Variants in SHCBP1 observed in about 807,000 individuals in gnomAD.
SHCBP1 encodes SHC SH2 domain-binding protein 1.
In SHCBP1, 60 loss-of-function variants were observed where a neutral mutation model predicts 75.1. The ratio of observed to expected loss-of-function variants is 0.80; its 90% CI spans 0.65 to 0.99. The LOEUF is 0.99. Ranked by LOEUF, SHCBP1 falls within the 50% of genes least tolerant of loss-of-function variation. The pLI is 0.00. For synonymous variants in SHCBP1, 290 were observed against 293.2 expected (o/e 0.99, Z 0.11); for missense variants, 709 against 809.4 (o/e 0.88, Z 1.50).
At chr16:46,620,067 T>C (rs1965561849) in intron 1 of SHCBP1, among the ~76,000 whole-genome samples, 1 of 152,016 alleles carries the variant, frequency 6.6e-6, no homozygotes, top group Admixed American at 6.6e-5. Context: ...AAAAATAAAG[T>C]GTGTAACATG....
intron 10 of SHCBP1, among the ~76,000 whole-genome samples, chr16:46,588,381 G>A (rs1259723030): frequency 6.6e-6 from 1 of 152,140 alleles, no homozygotes; most frequent in African/African-American, 2.4e-5. Flanking sequence ...GAATCCAGGA[G>A]TTGGTTTTCT....
At chr16:46,602,845 G>A (rs1380766431) in intron 8 of SHCBP1, among the ~76,000 whole-genome samples, 1 of 152,118 alleles carries the variant, frequency 6.6e-6, no homozygotes, top group Admixed American at 6.6e-5. Flanking sequence ...TAGCCAGACT[G>A]GTCTCAAACT....
At chr16:46,582,706 G>A (rs1485420503) in intron 12 of SHCBP1, among the ~76,000 whole-genome samples, 1 of 152,194 alleles carries the variant, frequency 6.6e-6, no homozygotes, top group Non-Finnish European at 1.5e-5. Flanking sequence ...TTTGGAGACA[G>A]AGTCTGCCCC....
chr16:46,599,715 A>G, intron 9 of SHCBP1, 116 bp downstream of exon 9: 1 of 366,486 alleles, frequency 2.7e-6, no homozygotes. Context: ...AAGTGCAATA[A>G]AACAAGGTAT....
chr16:46,604,184 A>T (rs768372691), intron 6 of SHCBP1, 41 bp from the exon 7 acceptor site: 27 of 1,612,724 alleles, frequency 1.7e-5, no homozygotes, highest in Middle Eastern at 1.6e-4. Flanking sequence ...GACAGCAAGT[A>T]AGAAAAGATG....
intron 9 of SHCBP1, among the ~76,000 whole-genome samples, chr16:46,597,167 A>G (rs1965157464): frequency 6.6e-6 from 1 of 152,118 alleles, no homozygotes; most frequent in South Asian, 2.1e-4. Flanking sequence ...ACAAATGTTT[A>G]TGGGAGTCTG....
Position 46,618,562 on chromosome 16 carries a change from TTCAAAACAATAAGCGC to T in SHCBP1, c.104-206_104-191del, listed in dbSNP as rs1298111758. Reference sequence around the variant, plus strand: ...AAATATTTCAAAATCCAAATTCTACTTCAAAACAATAAGCGCTTAAGATCTTTCACAGTTAGATTTT... The same window carrying T: ...AAATATTTCAAAATCCAAATTCTACTTTAAGATCTTTCACAGTTAGATTTT... On this transcript the variant is annotated intron_variant, in intron 1 of 12. Coordinates refer to ENST00000303383, the MANE Select transcript of SHCBP1 (RefSeq NM_024745.5). Among the ~76,000 whole-genome samples the T allele has an allele frequency of 1.1e-4, 13 of 119,616 alleles. 1 individual carries two copies. The South Asian group carries it at 7.7e-3, about 71-fold the overall frequency. The allele number at this position is 119,616 out of a possible 152,430, so 78.5% of individuals were successfully genotyped here. A position where few individuals can be genotyped will look rare whatever the true frequency, so the allele number is the denominator to read the frequency against.
chr16:46,598,295 G>GT (rs956589968), intron 9 of SHCBP1, among the ~76,000 whole-genome samples: 47 of 152,236 alleles, frequency 3.1e-4, no homozygotes, highest in African/African-American at 1.0e-3. Flanking sequence ...CTTAGGAAGT[G>GT]TATTTCTCAA....
At chr16:46,609,073 G>A (rs1344255645) in intron 4 of SHCBP1, among the ~76,000 whole-genome samples, 1 of 152,110 alleles carries the variant, frequency 6.6e-6, no homozygotes, top group Non-Finnish European at 1.5e-5. Flanking sequence ...ACATAAACCT[G>A]GTAGCTATCA....
chr16:46,582,282 C>T (rs1964884234), intron 12 of SHCBP1, among the ~76,000 whole-genome samples: 1 of 152,114 alleles, frequency 6.6e-6, no homozygotes, highest in Admixed American at 6.5e-5. Context: ...CTAAGCACTG[C>T]GTTAGGAGAT....
At chr16:46,601,631 CA>C (rs1417845373) in intron 8 of SHCBP1, among the ~76,000 whole-genome samples, 1 of 152,182 alleles carries the variant, frequency 6.6e-6, no homozygotes, top group Non-Finnish European at 1.5e-5. Context: ...GGAATGCTAC[CA>C]GGGGTGGACT....
intron 8 of SHCBP1, among the ~76,000 whole-genome samples, chr16:46,600,189 C>T (rs973023122): frequency 6.6e-6 from 1 of 152,196 alleles, no homozygotes; most frequent in African/African-American, 2.4e-5. Context: ...ATCAGGAAGA[C>T]TACCCTATCA....
intron 3 of SHCBP1, among the ~76,000 whole-genome samples, chr16:46,617,206 C>T (rs930216375): frequency 4.6e-5 from 7 of 152,104 alleles, no homozygotes; most frequent in South Asian, 2.1e-4. Flanking sequence ...TTAAAAATGC[C>T]TCTTAGCAGA....
chr16:46,604,528 C>T, intron 5 of SHCBP1, 67 bp from the exon 6 acceptor site: 3 of 1,092,558 alleles, frequency 2.7e-6, no homozygotes, highest in South Asian at 2.8e-5. Flanking sequence ...TTAAAACAGC[C>T]CACTTAGCCC....
Position 46,581,865 on chromosome 16 carries a change from AT to A in SHCBP1, c.1882del (p.Ile628Ter). The A allele has an allele frequency of 6.2e-7, 1 of 1,614,100 alleles. No homozygotes were observed. Among genetic ancestry groups the A allele is most frequent in the East Asian group, 2.2e-5 (1 of 44,874 alleles). ...CAGTTCACTCAACCTTTTCTTCTTT[AT>A]CTGGCCTTTCTGTGTGGAGGCAGCA... ...LIAASTQKGQIKKKRLSELGI... is the reference protein window; with the variant it reads ...LIAASTQKGQXKKKRLSELGI... On this transcript the variant is annotated frameshift_variant, in exon 13 of 13. Transcript: ENST00000303383. LOFTEE classifies it high-confidence loss of function.
At chr16:46,596,952 T>C (rs1421930540) in intron 9 of SHCBP1, among the ~76,000 whole-genome samples, 1 of 151,818 alleles carries the variant, frequency 6.6e-6, no homozygotes, top group African/African-American at 2.4e-5. Flanking sequence ...GGTCTCAAAC[T>C]CCTGACCTCA....
intron 4 of SHCBP1, among the ~76,000 whole-genome samples, chr16:46,612,686 C>G (rs917539972): frequency 2.0e-5 from 3 of 152,194 alleles, no homozygotes; most frequent in Non-Finnish European, 4.4e-5. Context: ...ACTTGTTAGT[C>G]AAGCTGCCAG....
Position 46,580,133 on chromosome 16 carries a change from A to C in SHCBP1, c.*1596T>G, listed in dbSNP as rs1964848676. On this transcript the variant is annotated 3_prime_UTR_variant, in exon 13 of 13. Transcript: ENST00000303383. ...GAGCAAGACTCCATCTCAAAAAAAAAAAAAAAGTGATTTTTTTTTAAGTTG... is the reference window on the plus strand; with the variant it reads ...GAGCAAGACTCCATCTCAAAAAAAACAAAAAAGTGATTTTTTTTTAAGTTG... Among the ~76,000 whole-genome samples the C allele has an allele frequency of 6.6e-6, 1 of 151,840 alleles. No homozygotes were observed.
chr16:46,594,945 G>C lies in SHCBP1; in HGVS notation c.1464+607C>G, dbSNP rs578045857. On this transcript the variant is annotated intron_variant, in intron 10 of 12. Coordinates refer to ENST00000303383, the MANE Select transcript of SHCBP1 (RefSeq NM_024745.5). ...AGCTATTGGTACATACAACGACCTA[G>C]GTGAAGCTCCACAGAACCACACTAA... is the stretch of plus-strand genomic sequence containing the variant. Among the ~76,000 whole-genome samples, 16 of 152,304 alleles carry C rather than the reference G, an allele frequency of 1.1e-4. No individual in the cohort carries two copies. In the South Asian group the frequency reaches 3.1e-3, roughly 30 times the overall value.
Sources: gnomAD v4.1 joint callset for allele counts (sites outside exome capture counted in the v4.1 genomes callset) on GRCh38, gnomAD v4.1.1 for gene constraint, MANE v1.5 for transcripts, NCBI Gene and HGNC (gene_info 2026-07-23, HGNC 2026-07-21) for gene names.